The following RBMS3 variants were observed in gnomAD, a reference collection of about 807,000 sequenced individuals.
The protein encoded by RBMS3 is RNA-binding motif, single-stranded-interacting protein 3.
A neutral mutation model predicts 66.8 loss-of-function variants in RBMS3; 27 were observed. The ratio of observed to expected loss-of-function variants is 0.40; its 90% CI spans 0.30 to 0.56. RBMS3 has a LOEUF of 0.56. Ranked by LOEUF, RBMS3 falls within the 20% of genes least tolerant of loss-of-function variation. The pLI, the probability that RBMS3 is intolerant of heterozygous loss-of-function variation, is 0.40. For missense variants in RBMS3, 513 were observed against 549.5 expected (o/e 0.93, Z 0.66); for synonymous variants, 188 against 183.0 (o/e 1.03, Z -0.22).
intron 6 of RBMS3, among the ~76,000 whole-genome samples, chr3:29,790,361 G>A (rs992058699): frequency 6.6e-6 from 1 of 152,088 alleles, no homozygotes; most frequent in Non-Finnish European, 1.5e-5. Flanking sequence ...AGTATAGTAG[G>A]CCATTATGAG....
intron 4 of RBMS3, among the ~76,000 whole-genome samples, chr3:29,609,791 C>G (rs2048434239): frequency 6.6e-6 from 1 of 152,018 alleles, no homozygotes; most frequent in Non-Finnish European, 1.5e-5. Context: ...AATTCAGACA[C>G]TCAAATAAGG....
At chr3:29,807,393 C>G (rs1434622284) in intron 6 of RBMS3, among the ~76,000 whole-genome samples, 1 of 151,806 alleles carries the variant, frequency 6.6e-6, no homozygotes, top group Non-Finnish European at 1.5e-5. Context: ...GACAGAACAT[C>G]TTATTGGAAG....
At chr3:29,400,008 A>C (rs1036684399) in intron 1 of RBMS3, among the ~76,000 whole-genome samples, 7 of 152,112 alleles carry the variant, frequency 4.6e-5, no homozygotes, top group Non-Finnish European at 1.0e-4. Context: ...GATATGGAGC[A>C]AAAGTATGGT....
intron 4 of RBMS3, chr3:29,698,591 G>T (rs1380159082): frequency 4.1e-6 from 4 of 985,242 alleles, no homozygotes; most frequent in Non-Finnish European, 4.8e-6. Flanking sequence ...AGAGAATTTG[G>T]GCATGTCTAC....
At position 29,849,109 on chromosome 3, in the gene RBMS3, T is replaced by C. The variant is rs144791895; in HGVS notation, c.638-19749T>C. Among the ~76,000 whole-genome samples the C allele has an allele frequency of 2.0e-5, 3 of 152,090 alleles. No individual in the cohort carries two copies. In the East Asian group the frequency reaches 5.8e-4, roughly 29 times the overall value. On this transcript the variant is annotated intron_variant, in intron 6 of 14. Transcript: ENST00000383767. Reference sequence around the variant, plus strand: ...CTCAGGTCTATTCCATTTTTGAATATTGTCTTTCACACATACTTATGCACA... The same window carrying C: ...CTCAGGTCTATTCCATTTTTGAATACTGTCTTTCACACATACTTATGCACA...
At chr3:29,505,211 TC>T (rs967361592) in intron 3 of RBMS3, among the ~76,000 whole-genome samples, 15 of 152,116 alleles carry the variant, frequency 9.9e-5, no homozygotes, top group Non-Finnish European at 1.6e-4. Flanking sequence ...ACATTTTTAA[TC>T]CCTTTTGAGT....
intron 2 of RBMS3, among the ~76,000 whole-genome samples, chr3:29,485,700 G>A (rs2043294838): frequency 6.6e-6 from 1 of 152,186 alleles, no homozygotes; most frequent in Admixed American, 6.5e-5. Flanking sequence ...TCCTCTAGCT[G>A]TAAGAAATGA....
intron 3 of RBMS3, among the ~76,000 whole-genome samples, chr3:29,574,471 T>G (rs1475596340): frequency 2.0e-5 from 3 of 152,144 alleles, no homozygotes; most frequent in Admixed American, 6.5e-5. Flanking sequence ...TGACGTGGGT[T>G]TCTTGTAGGC....
intron 4 of RBMS3, among the ~76,000 whole-genome samples, chr3:29,676,057 A>T (rs1322036666): frequency 6.6e-6 from 1 of 152,244 alleles, no homozygotes; most frequent in African/African-American, 2.4e-5. Flanking sequence ...TGGATTAAGC[A>T]AATGTGGCAC....
chr3:29,867,819 A>C lies in RBMS3; in HGVS notation c.638-1039A>C, dbSNP rs527284224. On this transcript the variant is annotated intron_variant, in intron 6 of 14. Coordinates refer to ENST00000383767, the MANE Select transcript of RBMS3 (RefSeq NM_001003793.3). ...GTATCATTAATCTTTAGTAAAACAT[A>C]CTTTTCCTAATGAGTAACAGTTGTG... is the stretch of plus-strand genomic sequence containing the variant. 2.6e-5 allele frequency among the ~76,000 whole-genome samples: 4 copies of C among 151,460 alleles called. No homozygotes were observed. In the East Asian group the frequency reaches 7.9e-4, roughly 30 times the overall value.
chr3:29,949,282 T>C (rs973389719), intron 12 of RBMS3, among the ~76,000 whole-genome samples: 1 of 151,842 alleles, frequency 6.6e-6, no homozygotes, highest in Admixed American at 6.6e-5. Flanking sequence ...AAGCATTTCC[T>C]GTAAAGTTCC....
In RBMS3 at chr3:30,008,632, G is replaced by C. The variant is rs1436871505; in HGVS notation, c.*4770G>C. 3.3e-5 allele frequency: 5 copies of C among 152,026 alleles called. No individual in the cohort carries two copies. The highest frequency in any genetic ancestry group is 9.7e-5 in the African/African-American group (4 of 41,402). The allele number at this position is 152,026 out of a possible 1,614,324, so 9.4% of individuals were successfully genotyped here. A position where few individuals can be genotyped will look rare whatever the true frequency, so the allele number is the denominator to read the frequency against. ...TGAGGGATTGACAGAATTTAAACAG[G>C]CTCATTGATTCTGTACACTCTACCC... On this transcript the variant is annotated 3_prime_UTR_variant, in exon 15 of 15. Transcript: ENST00000383767.
At position 29,988,132 on chromosome 3, in the gene RBMS3, A is replaced by T; in HGVS notation, c.1099-11A>T. Reference sequence around the variant, plus strand: ...CAAAGTTCACATGCATTTTTCTTTGATTCTCTCTAGTATATGACTGCTGCT... The same window carrying T: ...CAAAGTTCACATGCATTTTTCTTTGTTTCTCTCTAGTATATGACTGCTGCT... On this transcript the variant is annotated splice_polypyrimidine_tract_variant and intron_variant, in intron 12 of 14. Coordinates refer to ENST00000383767, the MANE Select transcript of RBMS3 (RefSeq NM_001003793.3). 6.2e-7 allele frequency: 1 copy of T among 1,603,990 alleles called. No individual in the cohort carries two copies. The highest frequency in any genetic ancestry group is 8.5e-7 in the Non-Finnish European group (1 of 1,171,208).
chr3:29,722,850 A>G (rs1466103299), intron 4 of RBMS3, among the ~76,000 whole-genome samples: 1 of 152,098 alleles, frequency 6.6e-6, no homozygotes, highest in African/African-American at 2.4e-5. Flanking sequence ...TTCTGCTGAT[A>G]CTACTTTGAT....
chr3:29,666,180 T>C (rs2050748561), intron 4 of RBMS3, among the ~76,000 whole-genome samples: 1 of 152,234 alleles, frequency 6.6e-6, no homozygotes, highest in African/African-American at 2.4e-5. Context: ...ACTTGATAAG[T>C]TGACCACCCT....
chr3:29,852,520 A>G (rs183055825), intron 6 of RBMS3, among the ~76,000 whole-genome samples: 2 of 152,350 alleles, frequency 1.3e-5, no homozygotes, highest in East Asian at 1.9e-4. Flanking sequence ...ATCCTTTTCA[A>G]AAGAAGACAT....
chr3:29,399,712 T>G (rs59624279), intron 1 of RBMS3, among the ~76,000 whole-genome samples: 114,376 of 151,536 alleles, frequency 0.75, 43,247 homozygotes, highest in Admixed American at 0.81. Flanking sequence ...AGAAAAGTAA[T>G]ATTTTTTTTA....
intron 4 of RBMS3, among the ~76,000 whole-genome samples, chr3:29,725,533 G>A (rs574309882): frequency 5.0e-4 from 76 of 152,028 alleles, no homozygotes; most frequent in African/African-American, 1.8e-3. Flanking sequence ...AATAATAAAG[G>A]GGATATCACC....
chr3:29,775,035 C>T (rs2056374170), intron 6 of RBMS3, among the ~76,000 whole-genome samples: 1 of 151,500 alleles, frequency 6.6e-6, no homozygotes, highest in African/African-American at 2.4e-5. Context: ...AAACAAAAAA[C>T]AAACATAGAA....
Sources: allele counts gnomAD v4.1 joint callset (sites outside exome capture counted in the v4.1 genomes callset), GRCh38; gene constraint gnomAD v4.1.1; transcripts MANE v1.5; gene names NCBI Gene and HGNC (gene_info 2026-07-23, HGNC 2026-07-21).